Variants in CACNA2D4 observed in about 807,000 individuals in gnomAD.
CACNA2D4 encodes calcium voltage-gated channel auxiliary subunit alpha2delta 4.
CACNA2D4 carries 157 observed loss-of-function variants against 163.8 expected under a neutral mutation model. That is an observed-to-expected ratio of 0.96 (90% CI 0.84 to 1.09). The LOEUF (loss-of-function observed/expected upper bound fraction) is 1.09. Among genes scored for constraint, CACNA2D4 ranks in the 50% least tolerant of loss-of-function variants. CACNA2D4 has a pLI of 0.00. For missense variants in CACNA2D4, 1,410 were observed against 1,479.9 expected, an observed-to-expected ratio of 0.95 and a Z score of 0.78; for synonymous variants, 598 against 586.9, an observed-to-expected ratio of 1.02 and a Z score of -0.27.
At chr12:1,872,307 GCCCCA>G (rs1865803663) in intron 18 of CACNA2D4, among the ~76,000 whole-genome samples, 1 of 152,132 alleles carries the variant, frequency 6.6e-6, no homozygotes, top group Non-Finnish European at 1.5e-5. Context: ...TACAAGTTTG[GCCCCA>G]TAGGTTTCTG....
In CACNA2D4 at chr12:1,907,521, A is replaced by G. The variant is rs1866687612; in HGVS notation, c.700T>C (p.Phe234Leu). ...VYMSEALNAV[F>L]VENFQRDPTL... Reference sequence around the variant, plus strand: ...GGGTCTCTCTGGAAGTTCTCCACGAAGACAGCATTCAAGGCTTCAGACATG... The same window carrying G: ...GGGTCTCTCTGGAAGTTCTCCACGAGGACAGCATTCAAGGCTTCAGACATG... The change falls in exon 6 of 38, where the codon TTC (phenylalanine) becomes CTC (leucine). Residue 234 changes from phenylalanine to leucine, a missense_variant. Transcript: ENST00000382722. 2 of 1,613,556 alleles carry G rather than the reference A, an allele frequency of 1.2e-6. No individual in the cohort carries two copies. The highest frequency in any genetic ancestry group is 1.7e-5 in the Admixed American group (1 of 59,992).
rs766453789 is a variant in CACNA2D4 at position 1,887,068 on chromosome 12, A to G, written c.783T>C (p.Gly261=). Residue 261 remains glycine (G), a splice_region_variant and synonymous_variant, in exon 7 of 38, where the codon GGT becomes GGC. Coordinates refer to ENST00000382722, the MANE Select transcript of CACNA2D4 (RefSeq NM_172364.5). ...CATTCTCATCAGGTGTCCATTTTAT[A>G]CCTGGGAGAATAAAGACTCGTTCTT... ...SATGFFRIYP[G]IKWTPDENGV... The G allele has an allele frequency of 6.3e-7, 1 of 1,581,544 alleles. No homozygotes were observed. The highest frequency in any genetic ancestry group is 1.2e-5 in the South Asian group (1 of 86,768).
chr12:1,828,385 G>C lies in CACNA2D4; in HGVS notation c.2551+12354C>G, dbSNP rs16928794. 6.6e-6 allele frequency among the ~76,000 whole-genome samples: 1 copy of C among 152,186 alleles called. No individual in the cohort carries two copies. The highest frequency in any genetic ancestry group is 1.5e-5 in the Non-Finnish European group (1 of 68,010). ...TCTGGGAAGCCAGGGTCACGCCCAC[G>C]GTGACAGCATCCCTGCCAGTCAGAG... On this transcript the variant is annotated intron_variant, in intron 26 of 37. Coordinates refer to ENST00000382722, the MANE Select transcript of CACNA2D4 (RefSeq NM_172364.5). The surrounding 1 kb of genome is among the most constrained non-coding windows in gnomAD (Gnocchi z 4.2).
intron 5 of CACNA2D4, 133 bp downstream of exon 5, chr12:1,907,742 G>A (rs879050901): frequency 1.6e-6 from 2 of 1,249,550 alleles, no homozygotes; most frequent in Non-Finnish European, 1.1e-6. Context: ...GTGCCTGGTG[G>A]GCGTGTCTGG....
rs1291241405 is a variant in CACNA2D4 at position 1,833,061 on chromosome 12, C to T, written c.2551+7678G>A. Among the ~76,000 whole-genome samples the T allele has an allele frequency of 6.6e-6, 1 of 152,066 alleles. No individual in the cohort carries two copies. ...TCTTCAGACCCTCCTCTCCTGTGGT[C>T]GCCGGGAACTGAATTCCCAGCACAA... On this transcript the variant is annotated intron_variant, in intron 26 of 37. Transcript: ENST00000382722. This position sits in a 1 kb window ranked among gnomAD's most constrained non-coding sequence, Gnocchi z 4.2.
chr12:1,797,702 G>C (rs1863176393), intron 34 of CACNA2D4, 167 bp from the exon 35 acceptor site: 1 of 662,996 alleles, frequency 1.5e-6, no homozygotes, highest in Non-Finnish European at 2.7e-6. Flanking sequence ...GGTGAGGGGA[G>C]GGAAGACACC....
At chr12:1,841,088 G>A (rs910436081) in intron 25 of CACNA2D4, among the ~76,000 whole-genome samples, 32 of 152,256 alleles carry the variant, frequency 2.1e-4, no homozygotes, top group East Asian at 1.9e-4. Flanking sequence ...GGGTTTCTGC[G>A]TGTTTGTCGG....
intron 23 of CACNA2D4, among the ~76,000 whole-genome samples, chr12:1,848,007 G>A (rs1865190315): frequency 6.6e-6 from 1 of 151,978 alleles, no homozygotes; most frequent in Non-Finnish European, 1.5e-5. Flanking sequence ...ATGGCAACGG[G>A]TATCTCTTAT....
chr12:1,811,570 C>T (rs1863710937), intron 27 of CACNA2D4, 92 bp downstream of exon 27: 1 of 1,294,216 alleles, frequency 7.7e-7, no homozygotes, highest in Non-Finnish European at 1.1e-6. Context: ...AGCCTCAAGG[C>T]AGTGGAGCAT....
intron 6 of CACNA2D4, among the ~76,000 whole-genome samples, chr12:1,899,387 A>T (rs917634525): frequency 2.0e-5 from 3 of 152,104 alleles, no homozygotes; most frequent in African/African-American, 7.2e-5. Flanking sequence ...ATGATTCCTG[A>T]CAAGACTAAC....
In CACNA2D4 at chr12:1,800,697, C is replaced by CAAGGGCTTGACAG. The variant is rs1278392142; in HGVS notation, c.2869-260_2869-259insCTGTCAAGCCCTT. 89 of 593,662 alleles carry CAAGGGCTTGACAG rather than the reference C, an allele frequency of 1.5e-4. No individual in the cohort carries two copies. The East Asian group carries it at 2.5e-3, about 17-fold the overall frequency. 36.8% of individuals were successfully genotyped at this position (593,662 alleles called of 1,614,324 possible). On this transcript the variant is annotated intron_variant, in intron 31 of 37. Coordinates refer to ENST00000382722, the MANE Select transcript of CACNA2D4 (RefSeq NM_172364.5). ...GGGTTGGACATGCCCCTCCAGGAGA[C>CAAGGGCTTGACAG]GAGTCAAGCCCTCATCCTGGTGCTG...
chr12:1,795,496 G>T, intron 36 of CACNA2D4, 115 bp from the exon 37 acceptor site: 1 of 1,079,846 alleles, frequency 9.3e-7, no homozygotes, highest in Non-Finnish European at 1.4e-6. Context: ...AGCAGCTTTA[G>T]GGTCAGGAGG....
At chr12:1,816,479 C>T (rs935464117) in intron 26 of CACNA2D4, among the ~76,000 whole-genome samples, 3 of 149,930 alleles carry the variant, frequency 2.0e-5, no homozygotes, top group African/African-American at 7.3e-5. Context: ...ACCTGGGTCC[C>T]TTCCCTCCCT....
chr12:1,813,645 C>T lies in CACNA2D4; in HGVS notation c.2552-1922G>A, dbSNP rs533223981. ...GAAACCGAGGCTTTGAGAGGTACCT[C>T]CCCTCCCTTGGAGTCTCATGGCAAT... On this transcript the variant is annotated intron_variant, in intron 26 of 37. Coordinates refer to ENST00000382722, the MANE Select transcript of CACNA2D4 (RefSeq NM_172364.5). 2.0e-5 allele frequency among the ~76,000 whole-genome samples: 3 copies of T among 152,340 alleles called. No homozygotes were observed. The South Asian group carries it at 6.2e-4, about 32-fold the overall frequency.
At chr12:1,860,889 A>G (rs1865509820) in intron 18 of CACNA2D4, among the ~76,000 whole-genome samples, 1 of 152,236 alleles carries the variant, frequency 6.6e-6, no homozygotes, top group African/African-American at 2.4e-5. Context: ...TAGATGAACC[A>G]GGATTGAAGC....
In CACNA2D4 at chr12:1,883,430, C is replaced by T. The variant is rs922926132; in HGVS notation, c.1352-430G>A. On this transcript the variant is annotated intron_variant, in intron 12 of 37. Transcript: ENST00000382722. This position sits in a 1 kb window ranked among gnomAD's most constrained non-coding sequence, Gnocchi z 4.5. ...CAGAGATTTCTGCCTCTCCGCTCCT[C>T]CTTCCTCTGGTCCTTGTTCTTGCTC... 1.3e-5 allele frequency among the ~76,000 whole-genome samples: 2 copies of T among 152,214 alleles called. No homozygotes were observed. Among genetic ancestry groups the T allele is most frequent in the Non-Finnish European group, 2.9e-5 (2 of 68,044 alleles).
intron 6 of CACNA2D4, among the ~76,000 whole-genome samples, chr12:1,900,021 G>A (rs545852979): frequency 6.6e-6 from 1 of 152,208 alleles, no homozygotes; most frequent in Non-Finnish European, 1.5e-5. Flanking sequence ...TCACAAAAGA[G>A]GATATACATA....
chr12:1,884,919 A>G lies in CACNA2D4; in HGVS notation c.1159-38T>C, dbSNP rs200447415. The stretch of plus-strand genomic sequence containing the variant: ...GAGGAGTGCCCATGACCACAGGCCA[A>G]GCCCACCCCCCTCCACCTGCCGCCT... On this transcript the variant is annotated intron_variant, in intron 10 of 37. Coordinates refer to ENST00000382722, the MANE Select transcript of CACNA2D4 (RefSeq NM_172364.5). 282 of 1,603,242 alleles carry G rather than the reference A, an allele frequency of 1.8e-4. No individual in the cohort carries two copies. The African/African-American group carries it at 3.4e-3, about 19-fold the overall frequency.
At chr12:1,867,228 T>C (rs1031250555) in intron 18 of CACNA2D4, among the ~76,000 whole-genome samples, 10 of 152,176 alleles carry the variant, frequency 6.6e-5, no homozygotes, top group Admixed American at 5.9e-4. Flanking sequence ...GATCTGTAGA[T>C]TGCTGTTTTA....
Sources: allele counts gnomAD v4.1 joint callset (sites outside exome capture counted in the v4.1 genomes callset), GRCh38; gene constraint gnomAD v4.1.1; non-coding constraint Gnocchi (gnomAD v3.1); transcripts MANE v1.5; gene names NCBI Gene and HGNC (gene_info 2026-07-23, HGNC 2026-07-21).